The following GALNTL6 variants were observed in gnomAD, a reference collection of about 807,000 sequenced individuals.
GALNTL6 encodes the protein polypeptide N-acetylgalactosaminyltransferase-like 6.
Under a neutral mutation model 73.7 loss-of-function variants are expected in GALNTL6, and 46 were observed. That is an observed-to-expected ratio of 0.62 (90% confidence interval 0.49 to 0.80). The LOEUF is 0.80. Ranked by LOEUF, GALNTL6 falls within the 30% of genes least tolerant of loss-of-function variation. The pLI, the probability that GALNTL6 is intolerant of heterozygous loss-of-function variation, is 0.00. For synonymous variants in GALNTL6, 259 were observed against 263.7 expected (o/e 0.98, Z 0.17); for missense variants, 604 against 755.0 (o/e 0.80, Z 2.34).
At chr4:172,407,274 G>A (rs1744270626) in intron 5 of GALNTL6, among the ~76,000 whole-genome samples, 1 of 151,990 alleles carries the variant, frequency 6.6e-6, no homozygotes, top group Non-Finnish European at 1.5e-5. Context: ...GTGTAAGCAG[G>A]AAAACTAAGT....
chr4:172,070,521 T>C (rs1731512219), intron 2 of GALNTL6, among the ~76,000 whole-genome samples: 1 of 109,330 alleles, frequency 9.1e-6, no homozygotes, highest in Non-Finnish European at 2.0e-5. Flanking sequence ...GAGTTTGTTA[T>C]ATAAGCCAGC....
chr4:171,854,841 A>C (rs1400563039), intron 2 of GALNTL6, among the ~76,000 whole-genome samples: 1 of 152,188 alleles, frequency 6.6e-6, no homozygotes, highest in Non-Finnish European at 1.5e-5. Context: ...CCACCTTTAA[A>C]TACCATCACA....
chr4:172,781,589 A>C (rs1579473685), intron 5 of GALNTL6, among the ~76,000 whole-genome samples: 1 of 152,136 alleles, frequency 6.6e-6, no homozygotes, highest in Admixed American at 6.5e-5. Context: ...TTCTTTTACC[A>C]TGGAGCCTTA....
intron 7 of GALNTL6, among the ~76,000 whole-genome samples, chr4:172,831,311 T>A (rs1163760000): frequency 6.6e-6 from 1 of 151,924 alleles, no homozygotes; most frequent in East Asian, 1.9e-4. Context: ...CAGTAATAGA[T>A]GAGGAAAGCC....
At chr4:172,871,053 T>C (rs1744904988) in intron 7 of GALNTL6, among the ~76,000 whole-genome samples, 1 of 152,134 alleles carries the variant, frequency 6.6e-6, no homozygotes, top group Admixed American at 6.5e-5. Flanking sequence ...CAACTACAAA[T>C]GCCAGAAAAA....
At chr4:172,920,810 C>A (rs755723169) in intron 8 of GALNTL6, among the ~76,000 whole-genome samples, 1 of 152,096 alleles carries the variant, frequency 6.6e-6, no homozygotes, top group African/African-American at 2.4e-5. Flanking sequence ...ATTAATAAAC[C>A]AATAACTCAT....
intron 2 of GALNTL6, among the ~76,000 whole-genome samples, chr4:172,098,239 C>T (rs1560922315): frequency 6.6e-6 from 1 of 151,948 alleles, no homozygotes; most frequent in African/African-American, 2.4e-5. Flanking sequence ...ATGTATCTAT[C>T]ATCTATCTAA....
intron 5 of GALNTL6, among the ~76,000 whole-genome samples, chr4:172,770,419 A>T (rs1002560034): frequency 2.6e-4 from 39 of 152,118 alleles, no homozygotes; most frequent in Non-Finnish European, 1.2e-4. Flanking sequence ...TTAATAATCA[A>T]CAATAGCAAA....
At chr4:171,903,834 C>T (rs1737187342) in intron 2 of GALNTL6, among the ~76,000 whole-genome samples, 2 of 151,878 alleles carry the variant, frequency 1.3e-5, no homozygotes, top group African/African-American at 4.9e-5. Context: ...GGGTCCCTGA[C>T]CCCTGACCCC....
intron 5 of GALNTL6, among the ~76,000 whole-genome samples, chr4:172,798,974 C>T (rs865967001): frequency 2.0e-5 from 3 of 152,040 alleles, no homozygotes; most frequent in East Asian, 1.9e-4. Flanking sequence ...AAAGGGACTA[C>T]TGAAAGATAA....
intron 5 of GALNTL6, among the ~76,000 whole-genome samples, chr4:172,764,547 T>C (rs929068441): frequency 6.6e-6 from 1 of 151,890 alleles, no homozygotes; most frequent in African/African-American, 2.4e-5. Context: ...TAATAATACA[T>C]AGGTTACAAA....
At chr4:173,037,527 GATTTGGAAAAATAT>G (rs1753743874) in intron 12 of GALNTL6, among the ~76,000 whole-genome samples, 1 of 152,128 alleles carries the variant, frequency 6.6e-6, no homozygotes, top group Non-Finnish European at 1.5e-5. Context: ...TCCAATATGG[GATTTGGAAAAATAT>G]GATCAGTTGA....
At chr4:172,524,613 G>C (rs371170343) in intron 5 of GALNTL6, among the ~76,000 whole-genome samples, 1 of 152,096 alleles carries the variant, frequency 6.6e-6, no homozygotes, top group Admixed American at 6.6e-5. Flanking sequence ...GAACATACTC[G>C]TATAAGTCTC....
intron 12 of GALNTL6, among the ~76,000 whole-genome samples, chr4:173,036,340 A>G (rs912248737): frequency 3.3e-5 from 5 of 152,178 alleles, no homozygotes; most frequent in African/African-American, 1.2e-4. Flanking sequence ...TAGAGTTCAG[A>G]GCCTACAGGA....
intron 2 of GALNTL6, among the ~76,000 whole-genome samples, chr4:172,190,245 A>G (rs1367437988): frequency 1.3e-5 from 2 of 152,190 alleles, no homozygotes; most frequent in African/African-American, 4.8e-5. Context: ...CTCACATCTT[A>G]TTCTTTTAGG....
At chr4:172,480,020 T>C (rs1411232169) in intron 5 of GALNTL6, among the ~76,000 whole-genome samples, 1 of 152,222 alleles carries the variant, frequency 6.6e-6, no homozygotes, top group African/African-American at 2.4e-5. Flanking sequence ...CCCATTTTTT[T>C]ACTTAATCAT....
chr4:171,881,227 C>T (rs531926625), intron 2 of GALNTL6, among the ~76,000 whole-genome samples: 4 of 152,230 alleles, frequency 2.6e-5, no homozygotes, highest in African/African-American at 9.6e-5. Flanking sequence ...AAACAACTGG[C>T]CTAAACAATA....
intron 3 of GALNTL6, chr4:172,266,428 G>A (rs1009871696): frequency 6.6e-6 from 1 of 152,082 alleles, no homozygotes; most frequent in African/African-American, 2.4e-5. Context: ...TGAAGGTGCA[G>A]TTTATACAGT....
intron 5 of GALNTL6, among the ~76,000 whole-genome samples, chr4:172,646,861 A>C (rs1740265780): frequency 6.6e-6 from 1 of 152,092 alleles, no homozygotes; most frequent in African/African-American, 2.4e-5. Flanking sequence ...CTCCTGAAAA[A>C]GAATTTTTTC....
Sources: gnomAD v4.1 joint callset for allele counts (sites outside exome capture counted in the v4.1 genomes callset) on GRCh38, gnomAD v4.1.1 for gene constraint, MANE v1.5 for transcripts, NCBI Gene and HGNC (gene_info 2026-07-23, HGNC 2026-07-21) for gene names.